CFAP54: variants seen among roughly 807,000 people sequenced by gnomAD.
The protein encoded by CFAP54 is cilia and flagella associated protein 54, also known as cilia- and flagella-associated protein 54.
CFAP54 carries 290 observed loss-of-function variants against 370.4 expected under a neutral mutation model. That is an observed-to-expected ratio of 0.78 (90% CI 0.71 to 0.86). CFAP54 has a LOEUF of 0.86. CFAP54 is among the 40% of genes least tolerant of loss of function. The pLI is 0.00. For synonymous variants in CFAP54, 1,206 were observed against 1,236.5 expected, an observed-to-expected ratio of 0.98 and a Z score of 0.52; for missense variants, 3,399 against 3,528.7, an observed-to-expected ratio of 0.96 and a Z score of 0.93.
intron 50 of CFAP54, among the ~76,000 whole-genome samples, chr12:96,725,384 T>C (rs1226777809): frequency 6.6e-6 from 1 of 152,122 alleles, no homozygotes; most frequent in East Asian, 1.9e-4. Flanking sequence ...CTTGAAGAGG[T>C]CCTTCACGTC....
chr12:96,705,950 T>C (rs1463450321), intron 47 of CFAP54, among the ~76,000 whole-genome samples: 3 of 152,158 alleles, frequency 2.0e-5, no homozygotes, highest in African/African-American at 7.2e-5. Flanking sequence ...AATGGAATTT[T>C]TTTTGTTTAC....
rs1196294907 is a variant in CFAP54 at position 96,564,690 on chromosome 12, A to C, written c.2544A>C (p.Ala848=). 6.3e-6 allele frequency: 4 copies of C among 636,606 alleles called. No individual in the cohort carries two copies. Among genetic ancestry groups the C allele is most frequent in the Non-Finnish European group, 1.1e-5 (4 of 361,314 alleles). 39.4% of individuals were successfully genotyped at this position (636,606 alleles called of 1,614,324 possible). ...TAAAGAAGAATACATTATCCAAAGC[A>C]ATTTACTTAATGCAGAAAGCTCTTT... ...NKIKKNTLSK[A]IYLMQKALLI... The change falls in exon 19 of 68, where the codon GCA becomes GCC. Residue 848 remains alanine (A), a synonymous_variant. Coordinates refer to ENST00000524981, the MANE Select transcript of CFAP54 (RefSeq NM_001306084.2).
intron 32 of CFAP54, among the ~76,000 whole-genome samples, chr12:96,638,079 C>T (rs815911): frequency 0.15 from 22,227 of 151,770 alleles, 2,112 homozygotes; most frequent in East Asian, 0.44. Context: ...ACACACTGTA[C>T]AATGGTAATT....
intron 19 of CFAP54, among the ~76,000 whole-genome samples, chr12:96,565,960 G>C (rs557378090): frequency 6.6e-6 from 1 of 152,270 alleles, no homozygotes; most frequent in South Asian, 2.1e-4. Flanking sequence ...TCATGAAAGT[G>C]AGTTAGTTCT....
intron 63 of CFAP54, among the ~76,000 whole-genome samples, chr12:96,798,983 A>G (rs771533623): frequency 1.1e-4 from 17 of 152,194 alleles, no homozygotes; most frequent in Non-Finnish European, 1.9e-4. Context: ...TGCAGTTTAC[A>G]TATTTGTATC....
At chr12:96,786,183 A>G (rs1045630505) in intron 61 of CFAP54, among the ~76,000 whole-genome samples, 14 of 149,196 alleles carry the variant, frequency 9.4e-5, no homozygotes, top group African/African-American at 3.4e-4. Context: ...TGCCTTTGAA[A>G]TTTTCTTTTT....
intron 40 of CFAP54, among the ~76,000 whole-genome samples, chr12:96,680,084 A>G (rs1256982536): frequency 6.6e-6 from 1 of 152,198 alleles, no homozygotes; most frequent in African/African-American, 2.4e-5. Context: ...TTTACTTCAT[A>G]AGTAGACGGA....
At chr12:96,763,878 A>G (rs1370640188) in intron 58 of CFAP54, among the ~76,000 whole-genome samples, 3 of 152,210 alleles carry the variant, frequency 2.0e-5, no homozygotes, top group Admixed American at 1.3e-4. Flanking sequence ...TAACTACCTT[A>G]AAACTTGGGA....
At chr12:96,753,255 C>T (rs897758927) in intron 55 of CFAP54, among the ~76,000 whole-genome samples, 1 of 152,002 alleles carries the variant, frequency 6.6e-6, no homozygotes, top group African/African-American at 2.4e-5. Context: ...AGTCCTTGTC[C>T]ATCATGGGTT....
At chr12:96,649,642 C>A in intron 34 of CFAP54, among the ~76,000 whole-genome samples, 1 of 152,314 alleles carries the variant, frequency 6.6e-6, no homozygotes, top group East Asian at 1.9e-4. Context: ...CTTTTGCCAT[C>A]GACTTTGTCT....
At chr12:96,612,857 C>CCAGATT (rs1956374382) in intron 26 of CFAP54, among the ~76,000 whole-genome samples, 1 of 152,084 alleles carries the variant, frequency 6.6e-6, no homozygotes, top group Non-Finnish European at 1.5e-5. Flanking sequence ...ACAGAAGCAC[C>CCAGATT]CAGATTCGTA....
intron 45 of CFAP54, 63 bp from the exon 46 acceptor site, chr12:96,699,907 CT>C: frequency 7.4e-7 from 1 of 1,348,748 alleles, no homozygotes. Flanking sequence ...TTTCTCTATA[CT>C]TTTGTTTTCT....
intron 60 of CFAP54, among the ~76,000 whole-genome samples, chr12:96,774,079 T>A (rs928562593): frequency 2.6e-5 from 4 of 152,156 alleles, no homozygotes; most frequent in Non-Finnish European, 4.4e-5. Context: ...CAAATTTAAT[T>A]TGCACATATC....
chr12:96,513,462 C>T (rs577307780), intron 5 of CFAP54, among the ~76,000 whole-genome samples: 93 of 152,062 alleles, frequency 6.1e-4, no homozygotes, highest in Non-Finnish European at 1.2e-3. Context: ...TGGCCTGGGC[C>T]GGGTGCAGTA....
chr12:96,575,680 T>C (rs1955967869), intron 19 of CFAP54, among the ~76,000 whole-genome samples: 1 of 152,104 alleles, frequency 6.6e-6, no homozygotes, highest in South Asian at 2.1e-4. Flanking sequence ...GATTTGGTCA[T>C]ATATTTTCTT....
intron 47 of CFAP54, among the ~76,000 whole-genome samples, chr12:96,707,479 T>C (rs1957559018): frequency 2.0e-5 from 3 of 151,704 alleles, no homozygotes; most frequent in Admixed American, 1.3e-4. Flanking sequence ...TAGGAGCAAA[T>C]GAAAGGAGAG....
rs4018882 is a variant in CFAP54, at chr12:96,535,008, CTGTGTGTGTGTG to C, written c.1706-473_1706-462del. On this transcript the variant is annotated intron_variant, in intron 11 of 67. Coordinates refer to ENST00000524981, the MANE Select transcript of CFAP54 (RefSeq NM_001306084.2). ...GAGCCACTAAGATTAGTTTTCTTTT[CTGTGTGTGTGTG>C]TGTGTGTGTGTGTGTGTGTGTGTGT... is the stretch of plus-strand genomic sequence containing the variant. 7.7e-3 allele frequency among the ~76,000 whole-genome samples: 1,056 copies of C among 137,440 alleles called. 11 individuals carry two copies. The highest frequency in any genetic ancestry group is 0.021 in the African/African-American group (751 of 36,126). The allele number at this position is 137,440 out of a possible 152,430, so 90.2% of individuals were successfully genotyped here. A position where few individuals can be genotyped will look rare whatever the true frequency, so the allele number is the denominator to read the frequency against.
chr12:96,773,284 C>A (rs1958481897), intron 60 of CFAP54, among the ~76,000 whole-genome samples: 1 of 152,186 alleles, frequency 6.6e-6, no homozygotes, highest in African/African-American at 2.4e-5. Flanking sequence ...GAATAGAGAG[C>A]TTCTGCTCAG....
chr12:96,790,560 T>C (rs1195054697), intron 62 of CFAP54, among the ~76,000 whole-genome samples: 3 of 152,234 alleles, frequency 2.0e-5, no homozygotes, highest in Admixed American at 1.3e-4. Context: ...TCAATACTTA[T>C]CTAGTTATTG....
Sources: allele counts gnomAD v4.1 joint callset (sites outside exome capture counted in the v4.1 genomes callset), GRCh38; gene constraint gnomAD v4.1.1; transcripts MANE v1.5; gene names NCBI Gene and HGNC (gene_info 2026-07-23, HGNC 2026-07-21).